AGGF1: variants seen among roughly 807,000 people sequenced by gnomAD.
AGGF1 encodes the protein angiogenic factor with G-patch and FHA domains 1.
A neutral mutation model predicts 86.5 loss-of-function variants in AGGF1; 56 were observed. The observed-to-expected ratio is 0.65, with a 90% CI of 0.52 to 0.81. The LOEUF (loss-of-function observed/expected upper bound fraction) is 0.81, where lower values mean the gene tolerates loss of function less well. Ranked by LOEUF, AGGF1 falls within the 30% of genes least tolerant of loss-of-function variation. The pLI is 0.00. For synonymous variants in AGGF1, 313 were observed against 297.1 expected (o/e 1.05, Z -0.55); for missense variants, 816 against 850.9 (o/e 0.96, Z 0.51).
intron 5 of AGGF1, among the ~76,000 whole-genome samples, chr5:77,041,129 TTTGC>T (rs1278578978): frequency 2.0e-5 from 3 of 152,234 alleles, no homozygotes; most frequent in Non-Finnish European, 4.4e-5. Context: ...TCCTATTTGA[TTTGC>T]TTCTGTTCTA....
At chr5:77,061,409 A>G (rs773957961) in intron 12 of AGGF1, among the ~76,000 whole-genome samples, 27 of 152,372 alleles carry the variant, frequency 1.8e-4, no homozygotes, top group Non-Finnish European at 3.5e-4. Flanking sequence ...ATTCTACTGT[A>G]TCACTATACC....
At chr5:77,053,884 A>G in intron 9 of AGGF1, 81 bp from the exon 10 acceptor site, 1 of 1,383,806 alleles carries the variant, frequency 7.2e-7, no homozygotes, top group Non-Finnish European at 1.0e-6. Flanking sequence ...AAAAATTATA[A>G]TCAGACATTA....
chr5:77,061,936 G>C (rs1006726432), intron 13 of AGGF1, 134 bp downstream of exon 13: 1 of 793,008 alleles, frequency 1.3e-6, no homozygotes, highest in East Asian at 2.7e-5. Flanking sequence ...TGCCTTTGTG[G>C]CATTCACAAT....
At chr5:77,040,139 A>C (rs530590347) in intron 5 of AGGF1, among the ~76,000 whole-genome samples, 2 of 145,152 alleles carry the variant, frequency 1.4e-5, no homozygotes, top group African/African-American at 2.6e-5. Flanking sequence ...ACAGAGTTTC[A>C]CTCTTGTTGC....
chr5:77,033,179 C>G (rs1324598846), intron 1 of AGGF1, among the ~76,000 whole-genome samples: 1 of 152,196 alleles, frequency 6.6e-6, no homozygotes, highest in Non-Finnish European at 1.5e-5. Context: ...ATTCGATTAA[C>G]TGTCATTCCA....
At chr5:77,059,329 A>G (rs1747512383) in intron 11 of AGGF1, among the ~76,000 whole-genome samples, 2 of 152,172 alleles carry the variant, frequency 1.3e-5, no homozygotes, top group East Asian at 1.9e-4. Context: ...CAATTTCTTC[A>G]TATCTTTTTT....
intron 12 of AGGF1, among the ~76,000 whole-genome samples, chr5:77,060,075 C>T (rs1747530263): frequency 1.3e-5 from 2 of 152,216 alleles, no homozygotes; most frequent in Non-Finnish European, 2.9e-5. Context: ...AACTCCTGAC[C>T]TCATGATCCG....
At chr5:77,045,000 G>C (rs903168309) in intron 5 of AGGF1, among the ~76,000 whole-genome samples, 11 of 152,036 alleles carry the variant, frequency 7.2e-5, no homozygotes, top group African/African-American at 2.7e-4. Flanking sequence ...GGGAGGTGGA[G>C]GTTGGAGCGA....
intron 5 of AGGF1, among the ~76,000 whole-genome samples, chr5:77,044,746 G>T (rs1747213060): frequency 6.6e-6 from 1 of 152,060 alleles, no homozygotes; most frequent in Non-Finnish European, 1.5e-5. Flanking sequence ...AATTTGTATT[G>T]CTAGAAGTGT....
At chr5:77,062,896 T>C (rs761002016) in intron 13 of AGGF1, among the ~76,000 whole-genome samples, 156 bp from the exon 14 acceptor site, 63 of 152,216 alleles carry the variant, frequency 4.1e-4, no homozygotes, top group Middle Eastern at 3.4e-3. Context: ...TGTATAAAGG[T>C]ATATATATTC....
intron 5 of AGGF1, among the ~76,000 whole-genome samples, chr5:77,041,801 A>T (rs376226193): frequency 0.25 from 32,229 of 127,808 alleles, 4,654 homozygotes; most frequent in Non-Finnish European, 0.27. Context: ...TTATTTATTT[A>T]TTTATTTATT....
At chr5:77,032,310 G>A (rs1331253721) in intron 1 of AGGF1, among the ~76,000 whole-genome samples, 1 of 147,964 alleles carries the variant, frequency 6.8e-6, no homozygotes, top group Non-Finnish European at 1.5e-5. Flanking sequence ...GCTCACGCCT[G>A]TAATCCTAGC....
chr5:77,045,020 G>A (rs1367404922), intron 5 of AGGF1, among the ~76,000 whole-genome samples: 6 of 151,008 alleles, frequency 4.0e-5, no homozygotes, highest in East Asian at 3.9e-4. Context: ...AGCCGAGATC[G>A]CGCCACTGCA....
rs374947628 is a variant in AGGF1, at chr5:77,053,780, A to C, written c.1468-185A>C. ...TTCAGCTATCTTCATCTCCAATAGT[A>C]GTACTTTTTTTATGGGTCATTAAGT... On this transcript the variant is annotated intron_variant, in intron 9 of 13. Transcript: ENST00000312916. 3.3e-5 allele frequency among the ~76,000 whole-genome samples: 5 copies of C among 152,288 alleles called. No homozygotes were observed. The East Asian group carries it at 5.8e-4, about 18-fold the overall frequency.
rs753686482 is a variant in AGGF1 at position 77,054,131 on chromosome 5, G to A, written c.1633+1G>A. 3.1e-5 allele frequency: 50 copies of A among 1,613,976 alleles called. No homozygotes were observed. The highest frequency in any genetic ancestry group is 4.2e-5 in the Non-Finnish European group (50 of 1,180,000). ...CTTGATAAGAAAGATGAATCTTTTGGTATGTGAAACAGATTAAATGTGGCT... is the reference window on the plus strand; with the variant it reads ...CTTGATAAGAAAGATGAATCTTTTGATATGTGAAACAGATTAAATGTGGCT... On this transcript the variant is annotated splice_donor_variant, in intron 10 of 13. Transcript: ENST00000312916. LOFTEE classifies it high-confidence loss of function.
chr5:77,046,713 G>A, intron 6 of AGGF1, 36 bp downstream of exon 6: 1 of 1,582,062 alleles, frequency 6.3e-7, no homozygotes, highest in Non-Finnish European at 8.7e-7. Flanking sequence ...AAATAGCCCA[G>A]TCTGGTAACT....
chr5:77,039,490 T>G, intron 4 of AGGF1, 41 bp from the exon 5 acceptor site: 1 of 1,509,244 alleles, frequency 6.6e-7, no homozygotes, highest in Non-Finnish European at 9.1e-7. Context: ...GTTTATTTTA[T>G]CTTACATGAA....
Position 77,048,402 on chromosome 5 carries a change from A to C in AGGF1, c.1313+130A>C, listed in dbSNP as rs150584326. Reference sequence around the variant, plus strand: ...AGTTGTGCTCTGTTGTCCAGGCTGGAGTGCAGTGGCACGATCTCGGCTCAT... The same window carrying C: ...AGTTGTGCTCTGTTGTCCAGGCTGGCGTGCAGTGGCACGATCTCGGCTCAT... On this transcript the variant is annotated intron_variant, in intron 7 of 13. Coordinates refer to ENST00000312916, the MANE Select transcript of AGGF1 (RefSeq NM_018046.5). 1,253 of 740,800 alleles carry C rather than the reference A, an allele frequency of 1.7e-3. 6 individuals carry two copies. The African/African-American group carries it at 0.02, about 12-fold the overall frequency. The allele number at this position is 740,800 out of a possible 1,614,324, so 45.9% of individuals were successfully genotyped here. A position where few individuals can be genotyped will look rare whatever the true frequency, so the allele number is the denominator to read the frequency against.
In AGGF1 at chr5:77,041,113, C is replaced by G. The variant is rs560052562; in HGVS notation, c.870+1394C>G. Among the ~76,000 whole-genome samples the G allele has an allele frequency of 7.9e-3, 810 of 102,646 alleles. 31 individuals carry two copies. The highest frequency in any genetic ancestry group is 0.068 in the Admixed American group (653 of 9,598). The allele number at this position is 102,646 out of a possible 152,430, so 67.3% of individuals were successfully genotyped here. A position where few individuals can be genotyped will look rare whatever the true frequency, so the allele number is the denominator to read the frequency against. ...GAATTAGGATTCTGTTAGATTTTTTCTGTTCTCCTATTTGATTTGCTTCTG... is the reference window on the plus strand; with the variant it reads ...GAATTAGGATTCTGTTAGATTTTTTGTGTTCTCCTATTTGATTTGCTTCTG... On this transcript the variant is annotated intron_variant, in intron 5 of 13. Transcript: ENST00000312916.
Sources: gnomAD v4.1 joint callset for allele counts (sites outside exome capture counted in the v4.1 genomes callset) on GRCh38, gnomAD v4.1.1 for gene constraint, MANE v1.5 for transcripts, NCBI Gene and HGNC (gene_info 2026-07-23, HGNC 2026-07-21) for gene names.